Variants in LUC7L2 observed in about 807,000 individuals in gnomAD.
LUC7L2 encodes the protein LUC7 like 2, pre-mRNA splicing factor, also known as putative RNA-binding protein Luc7-like 2.
In LUC7L2, 25 loss-of-function variants were observed where a neutral mutation model predicts 52.8. The observed-to-expected ratio is 0.47, with a 90% CI of 0.34 to 0.66. LUC7L2 has a LOEUF of 0.66. Ranked by LOEUF, LUC7L2 falls within the 30% of genes least tolerant of loss-of-function variation. The pLI, the probability that LUC7L2 is intolerant of heterozygous loss-of-function variation, is 0.01. For synonymous variants in LUC7L2, 144 were observed against 160.9 expected, an observed-to-expected ratio of 0.89 and a Z score of 0.80; for missense variants, 328 against 497.8, an observed-to-expected ratio of 0.66 and a Z score of 3.25.
chr7:139,390,055 A>G (rs986518517), intron 2 of LUC7L2, among the ~76,000 whole-genome samples: 5 of 152,130 alleles, frequency 3.3e-5, no homozygotes, highest in Non-Finnish European at 7.4e-5. Flanking sequence ...GAGGAGACTA[A>G]AGTGGGAAGA....
intron 1 of LUC7L2, among the ~76,000 whole-genome samples, chr7:139,348,057 T>A (rs888890438): frequency 6.6e-6 from 1 of 152,212 alleles, no homozygotes; most frequent in South Asian, 2.1e-4. Flanking sequence ...TTATTAATAC[T>A]GATATTTTAC....
chr7:139,345,876 A>T, intron 1 of LUC7L2: 1 of 734,962 alleles, frequency 1.4e-6, no homozygotes, highest in Non-Finnish European at 2.0e-6. Context: ...GAATTTACTG[A>T]ACTTTTTGCA....
At chr7:139,402,346 G>C in intron 4 of LUC7L2, 99 bp downstream of exon 4, 1 of 1,176,446 alleles carries the variant, frequency 8.5e-7, no homozygotes, top group Non-Finnish European at 1.1e-6. Context: ...AGATTGCAAA[G>C]ACATATACAA....
At chr7:139,414,342 TA>T (rs1302269535) in intron 8 of LUC7L2, among the ~76,000 whole-genome samples, 2 of 152,226 alleles carry the variant, frequency 1.3e-5, no homozygotes, top group Admixed American at 1.3e-4. Flanking sequence ...ACACATCAGA[TA>T]CACTAATGAT....
At chr7:139,410,211 A>C (rs1795299983) in intron 7 of LUC7L2, among the ~76,000 whole-genome samples, 1 of 152,194 alleles carries the variant, frequency 6.6e-6, no homozygotes, top group African/African-American at 2.4e-5. Context: ...GTCTCAAAAA[A>C]AAAAAAAGAT....
At chr7:139,385,931 A>G (rs1273745583) in intron 2 of LUC7L2, among the ~76,000 whole-genome samples, 1 of 152,232 alleles carries the variant, frequency 6.6e-6, no homozygotes, top group African/African-American at 2.4e-5. Context: ...AAAAGGGAAT[A>G]TGGAGTTATA....
At chr7:139,358,299 C>T (rs1285743133), upstream of LUC7L2, among the ~76,000 whole-genome samples, 9 of 152,214 alleles carry the variant, frequency 5.9e-5, no homozygotes. Flanking sequence ...TGAGCCATCC[C>T]TCCCAGCCGC....
chr7:139,391,070 A>C (rs140989468), intron 2 of LUC7L2, among the ~76,000 whole-genome samples: 3 of 152,140 alleles, frequency 2.0e-5, no homozygotes, highest in Non-Finnish European at 4.4e-5. Flanking sequence ...AGAGGTTTCC[A>C]TATCAGTTGT....
chr7:139,350,456 T>G (rs1166142236), intron 1 of LUC7L2, among the ~76,000 whole-genome samples: 1 of 151,914 alleles, frequency 6.6e-6, no homozygotes, highest in Admixed American at 6.6e-5. Context: ...TGTTGTTATG[T>G]ATCCATTTTC....
chr7:139,361,565 A>G (rs1799886752), intron 1 of LUC7L2, among the ~76,000 whole-genome samples: 2 of 152,240 alleles, frequency 1.3e-5, no homozygotes, highest in South Asian at 4.1e-4. Context: ...TATTTGTAGA[A>G]TATATAGACA....
At chr7:139,410,957 A>T (rs1795334521) in intron 7 of LUC7L2, among the ~76,000 whole-genome samples, 1 of 151,850 alleles carries the variant, frequency 6.6e-6, no homozygotes, top group Non-Finnish European at 1.5e-5. Flanking sequence ...AGAGAGAGAG[A>T]TTTCTTCATT....
chr7:139,405,535 C>G lies in LUC7L2; in HGVS notation c.367-109C>G, dbSNP rs550757268. 166 of 1,339,018 alleles carry G rather than the reference C, an allele frequency of 1.2e-4. No individual in the cohort carries two copies. In the African/African-American group the frequency reaches 1.9e-3, roughly 15 times the overall value. 82.9% of individuals were successfully genotyped at this position (1,339,018 alleles called of 1,614,324 possible). On this transcript the variant is annotated intron_variant, in intron 4 of 9. Coordinates refer to ENST00000354926, the MANE Select transcript of LUC7L2 (RefSeq NM_016019.5). ...GATACGCTCAGAAAGCATTCTTTAA[C>G]CACATACTGCCTTAGATAACAAGTT...
chr7:139,366,726 G>A (rs999797456), intron 1 of LUC7L2, among the ~76,000 whole-genome samples: 3 of 152,152 alleles, frequency 2.0e-5, no homozygotes, highest in Non-Finnish European at 4.4e-5. Context: ...CACCATTCTG[G>A]TTTAGTTATT....
chr7:139,356,264 G>A (rs1320276382), upstream of LUC7L2, among the ~76,000 whole-genome samples: 3 of 139,822 alleles, frequency 2.1e-5, no homozygotes, highest in South Asian at 2.3e-4. Context: ...GAGCCAAGGC[G>A]AGATCTCGCC....
intron 2 of LUC7L2, among the ~76,000 whole-genome samples, chr7:139,387,174 T>C (rs938470042): frequency 2.0e-5 from 3 of 152,086 alleles, no homozygotes; most frequent in Non-Finnish European, 4.4e-5. Context: ...TCATAAACTT[T>C]TTTGGCTTGC....
chr7:139,375,505 G>T, intron 1 of LUC7L2: 1 of 985,556 alleles, frequency 1.0e-6, no homozygotes, highest in Non-Finnish European at 1.2e-6. Flanking sequence ...ACTCCTCCCA[G>T]CAGCAAAAGG....
intron 1 of LUC7L2, among the ~76,000 whole-genome samples, chr7:139,362,622 CTTTTTT>C (rs79177935): frequency 2.6e-5 from 3 of 114,450 alleles, no homozygotes; most frequent in Non-Finnish European, 5.1e-5. Context: ...CAACTCTGTC[CTTTTTT>C]TTTTTTTTTT....
At chr7:139,341,159 TG>T in intron 1 of LUC7L2, 2 of 636,622 alleles carry the variant, frequency 3.1e-6, no homozygotes, top group Non-Finnish European at 4.9e-6. Context: ...TTAGAGGTCC[TG>T]GTACCTTCAG....
intron 1 of LUC7L2, among the ~76,000 whole-genome samples, chr7:139,347,696 AG>A (rs1799315312): frequency 6.6e-6 from 1 of 151,964 alleles, no homozygotes; most frequent in African/African-American, 2.4e-5. Flanking sequence ...TATAAAAAAA[AG>A]AAATGTTTAA....
Sources: gnomAD v4.1 joint callset for allele counts (sites outside exome capture counted in the v4.1 genomes callset) on GRCh38, gnomAD v4.1.1 for gene constraint, MANE v1.5 for transcripts, NCBI Gene and HGNC (gene_info 2026-07-23, HGNC 2026-07-21) for gene names.